RFX3: variants seen among roughly 807,000 people sequenced by gnomAD.
The protein encoded by RFX3 is transcription factor RFX3.
Under a neutral mutation model 98.6 loss-of-function variants are expected in RFX3, and 14 were observed. That is an observed-to-expected ratio of 0.14 (90% CI 0.09 to 0.22). The LOEUF (loss-of-function observed/expected upper bound fraction) is 0.22. Among genes scored for constraint, RFX3 ranks in the 10% least tolerant of loss-of-function variants. The pLI is 1.00. For missense variants in RFX3, 639 were observed against 926.9 expected, an observed-to-expected ratio of 0.69 and a Z score of 4.03; for synonymous variants, 383 against 328.4, an observed-to-expected ratio of 1.17 and a Z score of -1.80.
chr9:3,434,449 C>G (rs983851602), intron 1 of RFX3, among the ~76,000 whole-genome samples: 5 of 152,044 alleles, frequency 3.3e-5, no homozygotes, highest in Non-Finnish European at 7.4e-5. Flanking sequence ...TAAATCAGAG[C>G]CTTGGTCTAT....
At chr9:3,370,533 G>C (rs1354312762) in intron 2 of RFX3, among the ~76,000 whole-genome samples, 1 of 151,718 alleles carries the variant, frequency 6.6e-6, no homozygotes, top group Non-Finnish European at 1.5e-5. Context: ...AACAGTGTTT[G>C]TTTCTGGGAT....
intron 2 of RFX3, among the ~76,000 whole-genome samples, chr9:3,352,307 T>C (rs77094861): frequency 0.027 from 4,119 of 152,074 alleles, 194 homozygotes; most frequent in African/African-American, 0.095. Flanking sequence ...TACAAATTCA[T>C]ATAAACAAGA....
At chr9:3,396,878 A>C (rs1437651136) in intron 1 of RFX3, among the ~76,000 whole-genome samples, 1 of 152,170 alleles carries the variant, frequency 6.6e-6, no homozygotes, top group Non-Finnish European at 1.5e-5. Context: ...AAAACTTACT[A>C]TTTGGTGATC....
intron 1 of RFX3, among the ~76,000 whole-genome samples, chr9:3,458,416 T>C (rs1847383727): frequency 1.3e-5 from 2 of 152,092 alleles, no homozygotes; most frequent in African/African-American, 4.8e-5. Flanking sequence ...ACATCCAGTA[T>C]TTGTCTGCAC....
At chr9:3,327,573 T>C (rs552879271) in intron 4 of RFX3, among the ~76,000 whole-genome samples, 35 of 152,094 alleles carry the variant, frequency 2.3e-4, no homozygotes, top group African/African-American at 7.0e-4. Flanking sequence ...TTAATTTTTA[T>C]ACTCCTTTTG....
intron 1 of RFX3, among the ~76,000 whole-genome samples, chr9:3,496,925 T>C (rs776018489): frequency 6.6e-5 from 10 of 152,022 alleles, no homozygotes; most frequent in Admixed American, 1.3e-4. Context: ...TGCATCTTTG[T>C]GGAAATTTCA....
intron 15 of RFX3, 199 bp downstream of exon 15, chr9:3,247,833 C>T (rs1586728619): frequency 1.2e-6 from 2 of 1,605,220 alleles, no homozygotes; most frequent in East Asian, 2.2e-5. Context: ...ATATAATCCA[C>T]AATTTTAGAA....
intron 7 of RFX3, among the ~76,000 whole-genome samples, chr9:3,283,594 G>C (rs1826196896): frequency 6.6e-6 from 1 of 151,706 alleles, no homozygotes; most frequent in South Asian, 2.1e-4. Flanking sequence ...ACTTCTAAAA[G>C]AACGTGCATG....
intron 2 of RFX3, among the ~76,000 whole-genome samples, chr9:3,387,788 G>A (rs1458201545): frequency 6.6e-6 from 1 of 152,140 alleles, no homozygotes. Flanking sequence ...GGAGAAAAAT[G>A]CCTTTGTTTC....
intron 13 of RFX3, among the ~76,000 whole-genome samples, chr9:3,261,517 T>C (rs1822887534): frequency 2.0e-5 from 3 of 152,304 alleles, no homozygotes; most frequent in Admixed American, 1.3e-4. Flanking sequence ...ATTGTATGGA[T>C]AGATCACATT....
rs576921965 is a variant in RFX3, at chr9:3,332,872, C to A, written c.216-2355G>T. On this transcript the variant is annotated intron_variant, in intron 3 of 16. Coordinates refer to ENST00000617270, the MANE Select transcript of RFX3 (RefSeq NM_001282116.2). ...CCTTTCATTTTATTCCACCTCCCTGCCTTTGTCCTAATCATTCTTAAGCTC... is the reference window on the plus strand; with the variant it reads ...CCTTTCATTTTATTCCACCTCCCTGACTTTGTCCTAATCATTCTTAAGCTC... Among the ~76,000 whole-genome samples, 6 of 152,170 alleles carry A rather than the reference C, an allele frequency of 3.9e-5. No homozygotes were observed. The East Asian group carries it at 9.7e-4, about 24-fold the overall frequency.
chr9:3,449,167 AT>A (rs1481532031), intron 1 of RFX3, among the ~76,000 whole-genome samples: 12 of 152,218 alleles, frequency 7.9e-5, no homozygotes, highest in Non-Finnish European at 1.5e-5. Flanking sequence ...ATGATATCAT[AT>A]TAATACATAG....
chr9:3,349,952 A>G (rs1834905103), intron 2 of RFX3, among the ~76,000 whole-genome samples: 1 of 152,142 alleles, frequency 6.6e-6, no homozygotes, highest in African/African-American at 2.4e-5. Context: ...GTTTGCAAGG[A>G]TAAAAATATA....
At chr9:3,344,415 C>T (rs1834214833) in intron 3 of RFX3, among the ~76,000 whole-genome samples, 1 of 152,138 alleles carries the variant, frequency 6.6e-6, no homozygotes, top group African/African-American at 2.4e-5. Flanking sequence ...GAGTACTTCC[C>T]TTGAGCATTA....
At chr9:3,271,280 A>C (rs1280517749) in intron 9 of RFX3, among the ~76,000 whole-genome samples, 162 bp from the exon 10 acceptor site, 3 of 152,110 alleles carry the variant, frequency 2.0e-5, no homozygotes, top group Non-Finnish European at 4.4e-5. Flanking sequence ...GTGGAAGAAA[A>C]AAAAAAAAGA....
rs902056145 is a variant in RFX3, at chr9:3,270,356, C to G, written c.1357+15G>C. ...TGAGAACAAAAGCATCCGTACTCGTCTGCATTTAACTTACTAGGAATAGGT... is the reference window on the plus strand; with the variant it reads ...TGAGAACAAAAGCATCCGTACTCGTGTGCATTTAACTTACTAGGAATAGGT... On this transcript the variant is annotated intron_variant, in intron 11 of 16. Transcript: ENST00000617270. 4 of 1,606,440 alleles carry G rather than the reference C, an allele frequency of 2.5e-6. No homozygotes were observed. The highest frequency in any genetic ancestry group is 3.4e-6 in the Non-Finnish European group (4 of 1,177,096).
intron 11 of RFX3, among the ~76,000 whole-genome samples, chr9:3,268,147 G>A (rs767999136): frequency 4.6e-5 from 7 of 151,400 alleles, no homozygotes; most frequent in Non-Finnish European, 7.4e-5. Flanking sequence ...TACAATTAAC[G>A]TTTTTTTCAT....
Position 3,457,469 on chromosome 9 carries a change from T to G in RFX3, c.-8-61873A>C, listed in dbSNP as rs181249704. ...TTCTTTACTCAATTTGAGTATCATTTTATTTTGATAGAGAAATTAAAAACC... is the reference window on the plus strand; with the variant it reads ...TTCTTTACTCAATTTGAGTATCATTGTATTTTGATAGAGAAATTAAAAACC... On this transcript the variant is annotated intron_variant, in intron 1 of 16. Transcript: ENST00000617270. 3.9e-5 allele frequency among the ~76,000 whole-genome samples: 6 copies of G among 152,320 alleles called. No individual in the cohort carries two copies. In the East Asian group the frequency reaches 1.2e-3, roughly 29 times the overall value.
chr9:3,337,409 T>A (rs747135330), intron 3 of RFX3, among the ~76,000 whole-genome samples: 1 of 152,222 alleles, frequency 6.6e-6, no homozygotes, highest in Non-Finnish European at 1.5e-5. Context: ...GGGACAAATA[T>A]TTTTAAGCCA....
Sources: allele counts gnomAD v4.1 joint callset (sites outside exome capture counted in the v4.1 genomes callset), GRCh38; gene constraint gnomAD v4.1.1; transcripts MANE v1.5; gene names NCBI Gene and HGNC (gene_info 2026-07-23, HGNC 2026-07-21).